TMCC3: variants seen among roughly 807,000 people sequenced by gnomAD.
TMCC3 encodes the protein transmembrane and coiled-coil domain family 3.
Under a neutral mutation model 40.2 loss-of-function variants are expected in TMCC3, and 28 were observed. The ratio of observed to expected loss-of-function variants is 0.70; its 90% CI spans 0.52 to 0.95. The LOEUF (loss-of-function observed/expected upper bound fraction) is 0.95, where lower values mean the gene tolerates loss of function less well. Among genes scored for constraint, TMCC3 ranks in the 40% least tolerant of loss-of-function variants. The pLI, the probability that TMCC3 is intolerant of heterozygous loss-of-function variation, is 0.00. For synonymous variants in TMCC3, 255 were observed against 248.5 expected, an observed-to-expected ratio of 1.03 and a Z score of -0.25; for missense variants, 554 against 615.2, an observed-to-expected ratio of 0.90 and a Z score of 1.05.
At chr12:94,574,023 C>T (rs182577025) in intron 3 of TMCC3, among the ~76,000 whole-genome samples, 3 of 152,296 alleles carry the variant, frequency 2.0e-5, no homozygotes, top group South Asian at 2.1e-4. Context: ...ACAGAGCCAG[C>T]GCCAGGCATG....
intron 1 of TMCC3, among the ~76,000 whole-genome samples, chr12:94,591,634 T>C (rs766698546): frequency 6.6e-5 from 10 of 152,048 alleles, no homozygotes; most frequent in Non-Finnish European, 1.3e-4. Context: ...CATGCACTTG[T>C]AATCCTGACT....
At chr12:94,623,680 G>T (rs1431753544) in intron 1 of TMCC3, among the ~76,000 whole-genome samples, 2 of 152,228 alleles carry the variant, frequency 1.3e-5, no homozygotes, top group Non-Finnish European at 2.9e-5. Flanking sequence ...CCCCTTGGGG[G>T]AATCCCGAAT....
chr12:94,615,793 G>C (rs930015795), intron 1 of TMCC3: 20 of 444,434 alleles, frequency 4.5e-5, no homozygotes, highest in Non-Finnish European at 5.1e-5. Flanking sequence ...CAAGCACAAA[G>C]ATAACTATTA....
chr12:94,603,397 A>G (rs1215099249), intron 1 of TMCC3, among the ~76,000 whole-genome samples: 1 of 151,980 alleles, frequency 6.6e-6, no homozygotes, highest in Non-Finnish European at 1.5e-5. Context: ...TATTATGGGC[A>G]TGAGCCATCC....
At chr12:94,574,490 T>C (rs1344685279) in intron 3 of TMCC3, among the ~76,000 whole-genome samples, 1 of 152,186 alleles carries the variant, frequency 6.6e-6, no homozygotes, top group Admixed American at 6.5e-5. Flanking sequence ...CCCCTCTCTG[T>C]TCTAACTCAT....
At chr12:94,637,330 T>C (rs1218500883) in intron 1 of TMCC3, among the ~76,000 whole-genome samples, 1 of 152,236 alleles carries the variant, frequency 6.6e-6, no homozygotes, top group Non-Finnish European at 1.5e-5. Flanking sequence ...AGAGCTGTAA[T>C]TATTTCAAAA....
At chr12:94,593,825 C>A (rs564949440) in intron 1 of TMCC3, among the ~76,000 whole-genome samples, 8 of 152,132 alleles carry the variant, frequency 5.3e-5, no homozygotes, top group East Asian at 1.9e-4. Context: ...CAAACTAATT[C>A]TTTACAAAAT....
At chr12:94,646,396 A>AT (rs943435953) in intron 1 of TMCC3, among the ~76,000 whole-genome samples, 4 of 148,700 alleles carry the variant, frequency 2.7e-5, no homozygotes, top group Admixed American at 6.7e-5. Context: ...ATTTAAAAAA[A>AT]TTTTTTTAAA....
chr12:94,588,448 G>A (rs1004615506), intron 1 of TMCC3, among the ~76,000 whole-genome samples: 7 of 152,126 alleles, frequency 4.6e-5, no homozygotes, highest in Admixed American at 2.0e-4. Flanking sequence ...AGATGACAAC[G>A]GCCTGCTTAG....
At chr12:94,626,522 T>C (rs2068905021) in intron 1 of TMCC3, among the ~76,000 whole-genome samples, 1 of 152,262 alleles carries the variant, frequency 6.6e-6, no homozygotes, top group South Asian at 2.1e-4. Flanking sequence ...TCCTGCTTTC[T>C]GTTGAAATAG....
intron 1 of TMCC3, among the ~76,000 whole-genome samples, chr12:94,630,247 ACT>A (rs2068925346): frequency 1.3e-5 from 1 of 79,532 alleles, no homozygotes; most frequent in South Asian, 4.9e-4. Flanking sequence ...AGAGAGCAAG[ACT>A]CTGTCCCAAA....
intron 1 of TMCC3, chr12:94,615,820 T>C (rs1208397476): frequency 1.1e-5 from 7 of 617,030 alleles, no homozygotes; most frequent in East Asian, 1.4e-4. Flanking sequence ...CAAAGACAAA[T>C]TGCATTTCTT....
rs1184917067 is a variant in TMCC3, at chr12:94,571,218, G to A, written c.*217C>T. On this transcript the variant is annotated 3_prime_UTR_variant, in exon 4 of 4. Transcript: ENST00000261226. ...TCGGTCTGATTAAGGCAGTGAGCAAGGTAGGAGAGCTCTGAAACAGATTCG... is the reference window on the plus strand; with the variant it reads ...TCGGTCTGATTAAGGCAGTGAGCAAAGTAGGAGAGCTCTGAAACAGATTCG... 1.7e-6 allele frequency: 1 copy of A among 588,860 alleles called. No individual in the cohort carries two copies. Among genetic ancestry groups the A allele is most frequent in the East Asian group, 3.0e-5 (1 of 33,608 alleles). The allele number at this position is 588,860 out of a possible 1,614,324, so 36.5% of individuals were successfully genotyped here. A position where few individuals can be genotyped will look rare whatever the true frequency, so the allele number is the denominator to read the frequency against.
At chr12:94,625,129 C>T (rs1316682358) in intron 1 of TMCC3, among the ~76,000 whole-genome samples, 32 of 132,672 alleles carry the variant, frequency 2.4e-4, no homozygotes, top group Admixed American at 4.0e-4. Context: ...GCAACAAGAG[C>T]GAAACTCCAT....
At chr12:94,595,813 C>G (rs2068712059) in intron 1 of TMCC3, among the ~76,000 whole-genome samples, 1 of 152,002 alleles carries the variant, frequency 6.6e-6, no homozygotes, top group South Asian at 2.1e-4. Flanking sequence ...GCAATTAGAA[C>G]TAAAAAGCTG....
chr12:94,577,552 G>A (rs778233793), intron 3 of TMCC3, among the ~76,000 whole-genome samples: 8 of 152,158 alleles, frequency 5.3e-5, no homozygotes, highest in Non-Finnish European at 7.3e-5. Context: ...TATGACAGAC[G>A]TGGGACTGAA....
At chr12:94,583,892 A>T (rs570936913) in intron 1 of TMCC3, among the ~76,000 whole-genome samples, 4 of 152,346 alleles carry the variant, frequency 2.6e-5, no homozygotes, top group Non-Finnish European at 4.4e-5. Context: ...ATCTACAAAC[A>T]AGTCTTAAGA....
rs754317970 is a variant in TMCC3, at chr12:94,571,573, G to T, written c.1296C>A (p.Ile432=). The part of the protein sequence containing the change: ...MTVILVCVST[I]AKFVSPMMKS... ...TCATCATGGGTGAGACGAACTTCGC[G>T]ATGGTGGACACACACACTAAGATGA... Residue 432 remains isoleucine (I), a synonymous_variant, in exon 4 of 4, where the codon ATC becomes ATA. Transcript: ENST00000261226. 1.2e-6 allele frequency: 2 copies of T among 1,614,154 alleles called. No homozygotes were observed. The highest frequency in any genetic ancestry group is 2.2e-5 in the South Asian group (2 of 91,084).
intron 3 of TMCC3, among the ~76,000 whole-genome samples, chr12:94,575,753 A>C (rs567353278): frequency 6.6e-6 from 1 of 152,340 alleles, no homozygotes; most frequent in East Asian, 1.9e-4. Context: ...AACATGCTCT[A>C]AAATAGAACG....
Sources: allele counts gnomAD v4.1 joint callset (sites outside exome capture counted in the v4.1 genomes callset), GRCh38; gene constraint gnomAD v4.1.1; transcripts MANE v1.5; gene names NCBI Gene and HGNC (gene_info 2026-07-23, HGNC 2026-07-21).